ZFYVE28: variants seen among roughly 807,000 people sequenced by gnomAD.
ZFYVE28 encodes the protein zinc finger FYVE-type containing 28, also known as lateral signaling target protein 2 homolog.
ZFYVE28 carries 40 observed loss-of-function variants against 82.1 expected under a neutral mutation model. The observed-to-expected ratio is 0.49, with a 90% CI of 0.38 to 0.63. ZFYVE28 has a LOEUF of 0.63. Ranked by LOEUF, ZFYVE28 falls within the 30% of genes least tolerant of loss-of-function variation. The pLI is 0.00. For missense variants in ZFYVE28, 1,321 were observed against 1,242.1 expected (o/e 1.06, Z -0.96); for synonymous variants, 612 against 546.1 (o/e 1.12, Z -1.68).
Position 2,289,296 on chromosome 4 carries a change from TAATAA to T in ZFYVE28, c.2051+14988_2051+14992del, listed in dbSNP as rs1366855076. Among the ~76,000 whole-genome samples the T allele has an allele frequency of 2.0e-5, 3 of 152,152 alleles. No homozygotes were observed. In the East Asian group the frequency reaches 5.8e-4, roughly 29 times the overall value. On this transcript the variant is annotated intron_variant, in intron 8 of 12. Transcript: ENST00000290974. ...CCCTGCCTCAATAATTAAATTAAAT[TAATAA>T]AATAAAACAGGAGCACGATACTGCC...
intron 1 of ZFYVE28, among the ~76,000 whole-genome samples, chr4:2,373,379 G>A (rs6839951): frequency 0.011 from 1,620 of 151,954 alleles, 27 homozygotes; most frequent in African/African-American, 0.033. Flanking sequence ...TGCACCTGTA[G>A]TCCCAGCTAC....
chr4:2,302,831 G>A (rs764014663), intron 8 of ZFYVE28, among the ~76,000 whole-genome samples: 7 of 152,244 alleles, frequency 4.6e-5, no homozygotes, highest in Non-Finnish European at 4.4e-5. Context: ...CCTTACAGAC[G>A]TTACGTCTGG....
intron 1 of ZFYVE28, among the ~76,000 whole-genome samples, chr4:2,359,556 G>C (rs11737085): frequency 6.6e-6 from 1 of 152,174 alleles, no homozygotes; most frequent in Non-Finnish European, 1.5e-5. Flanking sequence ...CGACTTTGTG[G>C]GGACAATGGC....
Position 2,271,689 on chromosome 4 carries a change from T to C in ZFYVE28, c.2414A>G (p.Asp805Gly), listed in dbSNP as rs754427604. 3 of 1,613,830 alleles carry C rather than the reference T, an allele frequency of 1.9e-6. No homozygotes were observed. Among genetic ancestry groups the C allele is most frequent in the Middle Eastern group, 1.6e-4 (1 of 6,062 alleles). Reference protein sequence around the residue: ...SSSELAAKTRDGDFEDPPEWV... With the variant: ...SSSELAAKTRGGDFEDPPEWV... ...CTCCCACACACCTTCAAAGTCCCCA[T>C]CGCGGGTCTTGGCTGCCAGTTCAGA... The change falls in exon 11 of 13, where the codon GAT (aspartate) becomes GGT (glycine). Residue 805 changes from aspartate (D) to glycine (G), a missense_variant. Physicochemically the swap from Asp to Gly is moderately conservative, Grantham distance 94. This residue lies in a region of ZFYVE28 where 978 missense variants were observed against 833.7 expected (regional missense o/e 1.17). Transcript: ENST00000290974.
Position 2,341,724 on chromosome 4 carries a change from A to T in ZFYVE28, c.181-109T>A. 1 of 1,474,770 alleles carries T rather than the reference A, an allele frequency of 6.8e-7. No homozygotes were observed. The highest frequency in any genetic ancestry group is 2.3e-5 in the East Asian group (1 of 43,120). 91.4% of individuals were successfully genotyped at this position (1,474,770 alleles called of 1,614,324 possible). A position where few individuals can be genotyped will look rare whatever the true frequency, so the allele number is the denominator to read the frequency against. On this transcript the variant is annotated intron_variant, in intron 2 of 12. Transcript: ENST00000290974. This position sits in a 1 kb window ranked among gnomAD's most constrained non-coding sequence, Gnocchi z 4.5. ...CATGTGACTGTTTTTTAGGATTATT[A>T]AAGTGATAGAGGAGGCTAGGCACGG...
intron 8 of ZFYVE28, chr4:2,286,922 A>T (rs1340731217): frequency 6.6e-6 from 1 of 152,210 alleles, no homozygotes; most frequent in Non-Finnish European, 1.5e-5. Context: ...GGATCTTGAG[A>T]TGAAACCATC....
chr4:2,300,974 T>C lies in ZFYVE28; in HGVS notation c.2051+3315A>G, dbSNP rs935412352. On this transcript the variant is annotated intron_variant, in intron 8 of 12. Transcript: ENST00000290974. The surrounding 1 kb of genome is among the most constrained non-coding windows in gnomAD (Gnocchi z 4.6). ...CTCTCCCACTGCAGAATGGGAGGCG[T>C]AACCAAACACAGCCACACCTGTGCA... Among the ~76,000 whole-genome samples, 2 of 152,082 alleles carry C rather than the reference T, an allele frequency of 1.3e-5. No homozygotes were observed. The highest frequency in any genetic ancestry group is 4.8e-5 in the African/African-American group (2 of 41,424).
chr4:2,366,010 T>C (rs1578268185), intron 1 of ZFYVE28, among the ~76,000 whole-genome samples: 1 of 152,204 alleles, frequency 6.6e-6, no homozygotes, highest in Non-Finnish European at 1.5e-5. Context: ...CAGGGCAAGA[T>C]ACAGCCGGCC....
chr4:2,371,812 C>A (rs1165845058), intron 1 of ZFYVE28, among the ~76,000 whole-genome samples: 1 of 152,280 alleles, frequency 6.6e-6, no homozygotes, highest in Non-Finnish European at 1.5e-5. Context: ...GGCCACGCTG[C>A]GGGTTCAGTC....
chr4:2,338,286 C>T (rs1347844450), intron 4 of ZFYVE28, among the ~76,000 whole-genome samples: 2 of 152,188 alleles, frequency 1.3e-5, no homozygotes, highest in African/African-American at 4.8e-5. Flanking sequence ...ACTTTCTTTC[C>T]TTCTAAACCA....
intron 7 of ZFYVE28, among the ~76,000 whole-genome samples, chr4:2,307,360 G>A (rs1484510668): frequency 2.0e-5 from 3 of 152,082 alleles, no homozygotes; most frequent in Non-Finnish European, 2.9e-5. Flanking sequence ...TGGTGCTTTT[G>A]AGGAAGTTTT....
At chr4:2,306,847 A>T (rs1716653834) in intron 7 of ZFYVE28, 1 of 152,212 alleles carries the variant, frequency 6.6e-6, no homozygotes, top group Non-Finnish European at 1.5e-5. Context: ...ACCGTCTTCC[A>T]TGGGGTAAAT....
At chr4:2,379,053 G>C (rs1274882962) in intron 1 of ZFYVE28, among the ~76,000 whole-genome samples, 1 of 152,176 alleles carries the variant, frequency 6.6e-6, no homozygotes, top group African/African-American at 2.4e-5. Flanking sequence ...CAGAACTCCA[G>C]GGGCCTGGCT....
intron 3 of ZFYVE28, among the ~76,000 whole-genome samples, chr4:2,340,546 C>A (rs1722624457): frequency 6.6e-6 from 1 of 152,338 alleles, no homozygotes; most frequent in Middle Eastern, 3.4e-3. Context: ...GCTGATCGCC[C>A]AGGCCCAAGC....
rs539544419 is a variant in ZFYVE28, at chr4:2,332,712, C to T, written c.701+2993G>A. 3.2e-4 allele frequency among the ~76,000 whole-genome samples: 49 copies of T among 152,262 alleles called. No individual in the cohort carries two copies. Among genetic ancestry groups the T allele is most frequent in the African/African-American group, 9.6e-4 (40 of 41,534 alleles). ...TCGCTGTGGATGACGAGGAACAAGA[C>T]GGGATCCGCTGGTGGTGCAGGGCTG... On this transcript the variant is annotated intron_variant, in intron 6 of 12. Transcript: ENST00000290974. This position sits in a 1 kb window ranked among gnomAD's most constrained non-coding sequence, Gnocchi z 4.7.
rs112076615 is a variant in ZFYVE28, at chr4:2,304,318, G to A, written c.2022C>T (p.His674=). The A allele has an allele frequency of 1.2e-3, 1,852 of 1,597,702 alleles. 37 individuals carry two copies. The East Asian group carries it at 0.026, about 23-fold the overall frequency. The change falls in exon 8 of 13, where the codon CAC becomes CAT. Residue 674 remains histidine (H), a synonymous_variant. Transcript: ENST00000290974. Reference sequence around the variant, plus strand: ...AGCCCGACAGGGCCTGAGGCGCCTCGTGAGCCGAGGGGCTCCCAGCATGCA... The same window carrying A: ...AGCCCGACAGGGCCTGAGGCGCCTCATGAGCCGAGGGGCTCCCAGCATGCA... ...RELHAGSPSA[H]EAPQALSGSS...
At chr4:2,414,544 C>T (rs1039570475) in intron 1 of ZFYVE28, among the ~76,000 whole-genome samples, 10 of 152,326 alleles carry the variant, frequency 6.6e-5, no homozygotes, top group African/African-American at 1.9e-4. Flanking sequence ...TGCAGACAAG[C>T]GAGCTCTTCT....
rs2182682 is a variant in ZFYVE28 at position 2,273,991 on chromosome 4, G to C, written c.2206+71C>G. The C allele has an allele frequency of 3.2e-4, 495 of 1,558,864 alleles. 1 individual carries two copies. The African/African-American group carries it at 6.1e-3, about 19-fold the overall frequency. ...GTGAGGGGGAGGTTGTACACGCCCC[G>C]CCTGACCTCCCCTAAAGCGCAGCCC... On this transcript the variant is annotated intron_variant, in intron 9 of 12. Coordinates refer to ENST00000290974, the MANE Select transcript of ZFYVE28 (RefSeq NM_020972.3).
chr4:2,280,085 C>T (rs561312119), intron 8 of ZFYVE28, among the ~76,000 whole-genome samples: 60 of 152,290 alleles, frequency 3.9e-4, no homozygotes, highest in South Asian at 8.3e-4. Context: ...CAAGAAATAG[C>T]TTATAAGCTA....
Sources: gnomAD v4.1 joint callset for allele counts (sites outside exome capture counted in the v4.1 genomes callset) on GRCh38, gnomAD v4.1.1 for gene constraint, gnomAD v4.1.1 regional missense constraint, Gnocchi (gnomAD v3.1) non-coding constraint, MANE v1.5 for transcripts, NCBI Gene and HGNC (gene_info 2026-07-23, HGNC 2026-07-21) for gene names.